FN1: variants seen among roughly 807,000 people sequenced by gnomAD.
FN1 encodes the protein fibronectin.
Under a neutral mutation model 297.3 loss-of-function variants are expected in FN1, and 106 were observed. That is an observed-to-expected ratio of 0.36 (90% CI 0.30 to 0.42). FN1 has a LOEUF of 0.42. FN1 is among the 10% of genes least tolerant of loss of function. The pLI, the probability that FN1 is intolerant of heterozygous loss-of-function variation, is 1.00. For missense variants in FN1, 2,690 were observed against 3,124.9 expected (o/e 0.86, Z 3.32); for synonymous variants, 1,149 against 1,152.6 (o/e 1.00, Z 0.06).
Position 215,406,399 on chromosome 2 carries a change from A to T in FN1, c.2825T>A (p.Ile942Asn). The part of the protein sequence containing the change: ...SAVTGYRVDV[I>N]PVNLPGEHGQ... ...GTGCTCGCCAGGCAGGTTGACGGGG[A>T]TCACATCCACACGGTAGCCGGTCAC... The change falls in exon 19 of 46, where the codon ATC becomes AAC. Residue 942 changes from isoleucine (I) to asparagine (N), a missense_variant. By Grantham distance (149) the Ile-to-Asn change is moderately radical. Coordinates refer to ENST00000354785, the MANE Select transcript of FN1 (RefSeq NM_212482.4). The T allele has an allele frequency of 6.2e-7, 1 of 1,614,144 alleles. No homozygotes were observed. The highest frequency in any genetic ancestry group is 8.5e-7 in the Non-Finnish European group (1 of 1,180,024).
intron 20 of FN1, among the ~76,000 whole-genome samples, chr2:215,401,647 G>A (rs762946416): frequency 4.6e-5 from 7 of 152,162 alleles, no homozygotes; most frequent in Non-Finnish European, 7.4e-5. Flanking sequence ...AGTCTCCAGA[G>A]TTATACAAAC....
At chr2:215,375,830 T>A in intron 36 of FN1, 112 bp from the exon 37 acceptor site, 3 of 731,298 alleles carry the variant, frequency 4.1e-6, no homozygotes. Flanking sequence ...TTATATAGAC[T>A]ACCAAAGTGG....
chr2:215,370,512 C>T, intron 40 of FN1, 80 bp from the exon 41 acceptor site: 1 of 1,106,478 alleles, frequency 9.0e-7, no homozygotes, highest in South Asian at 1.3e-5. Flanking sequence ...ACCAATAACC[C>T]TCACTGTTTA....
chr2:215,376,286 T>TA (rs1170734082), intron 36 of FN1, among the ~76,000 whole-genome samples: 3 of 151,832 alleles, frequency 2.0e-5, no homozygotes, highest in South Asian at 2.1e-4. Context: ...GATTGACACT[T>TA]ACGCAATTTC....
At chr2:215,375,512 A>C (rs572425468) in intron 37 of FN1, 117 bp downstream of exon 37, 10 of 1,271,356 alleles carry the variant, frequency 7.9e-6, no homozygotes, top group Middle Eastern at 1.8e-4. Flanking sequence ...TGTAAACCGG[A>C]AACAAGATTC....
At chr2:215,424,655 C>A (rs2065022712) in intron 7 of FN1, among the ~76,000 whole-genome samples, 1 of 152,122 alleles carries the variant, frequency 6.6e-6, no homozygotes, top group Non-Finnish European at 1.5e-5. Flanking sequence ...ATGACTATAT[C>A]TATGCCATAA....
intron 25 of FN1, chr2:215,392,696 C>A (rs1575489917): frequency 7.1e-6 from 4 of 566,588 alleles, no homozygotes; most frequent in Non-Finnish European, 9.5e-6. Context: ...ATCTGTATTT[C>A]TCTAGCTTTA....
At chr2:215,365,663 T>A (rs1314982666) in intron 42 of FN1, 33 bp from the exon 43 acceptor site, 3 of 1,612,114 alleles carry the variant, frequency 1.9e-6, no homozygotes, top group South Asian at 2.2e-5. Flanking sequence ...GACCAAAAAG[T>A]TATTTGTATA....
At chr2:215,381,765 T>A (rs1450883000) in intron 32 of FN1, 1 of 268,204 alleles carries the variant, frequency 3.7e-6, no homozygotes, top group Non-Finnish European at 7.2e-6. Flanking sequence ...AGCCCAGCCC[T>A]ATAATGGTTC....
At position 215,365,436 on chromosome 2, in the gene FN1, A is replaced by G. The variant is rs1197575942; in HGVS notation, c.7144+69T>C. 5 of 1,503,816 alleles carry G rather than the reference A, an allele frequency of 3.3e-6. No homozygotes were observed. The East Asian group carries it at 6.8e-5, about 20-fold the overall frequency. 93.2% of individuals were successfully genotyped at this position (1,503,816 alleles called of 1,614,324 possible). On this transcript the variant is annotated intron_variant, in intron 43 of 45. Transcript: ENST00000354785. ...AAGTCTCCAATCATTTCTGTGAATGAGAGTTACAGCCTGATAATGAAAGTG... is the reference window on the plus strand; with the variant it reads ...AAGTCTCCAATCATTTCTGTGAATGGGAGTTACAGCCTGATAATGAAAGTG...
chr2:215,409,536 C>T (rs772842197), intron 15 of FN1, 27 bp downstream of exon 15: 11 of 1,610,042 alleles, frequency 6.8e-6, no homozygotes, highest in Non-Finnish European at 7.6e-6. Context: ...TGCCCTGAAC[C>T]TGTCTTGAGC....
At chr2:215,431,757 T>C (rs562637307) in intron 4 of FN1, 76 bp downstream of exon 4, 63 of 1,454,452 alleles carry the variant, frequency 4.3e-5, no homozygotes, top group Non-Finnish European at 5.9e-5. Context: ...CTATGACCTA[T>C]GTAGATGTGA....
chr2:215,421,119 A>G (rs1559554827), intron 10 of FN1: 2 of 345,172 alleles, frequency 5.8e-6, no homozygotes, highest in East Asian at 1.5e-4. Context: ...CTTTCTGAAA[A>G]TTTCTTGCTT....
chr2:215,406,043 A>G (rs2061732418), intron 19 of FN1, among the ~76,000 whole-genome samples, 195 bp downstream of exon 19: 2 of 152,290 alleles, frequency 1.3e-5, no homozygotes, highest in Non-Finnish European at 2.9e-5. Flanking sequence ...GTTACCACTT[A>G]GCATCCATGG....
At chr2:215,373,477 C>G (rs1242903435) in intron 38 of FN1, 66 bp from the exon 39 acceptor site, 1 of 1,302,450 alleles carries the variant, frequency 7.7e-7, no homozygotes, top group East Asian at 2.4e-5. Context: ...AAGTCGGTCT[C>G]ACCAGCAGAC....
chr2:215,381,129 A>C, intron 32 of FN1, 49 bp from the exon 33 acceptor site: 1 of 1,592,254 alleles, frequency 6.3e-7, no homozygotes, highest in Non-Finnish European at 8.6e-7. Context: ...CAAGTTGTGA[A>C]ATAAGCATTT....
chr2:215,419,952 T>TA (rs2063990457), intron 11 of FN1, among the ~76,000 whole-genome samples: 1 of 152,208 alleles, frequency 6.6e-6, no homozygotes, highest in Admixed American at 6.5e-5. Context: ...TCTCTTTTGG[T>TA]AAAGAAATAG....
chr2:215,381,109 A>G, intron 32 of FN1, 29 bp from the exon 33 acceptor site: 1 of 1,612,222 alleles, frequency 6.2e-7, no homozygotes, highest in Non-Finnish European at 8.5e-7. Context: ...GTAAGAGGTT[A>G]TGTGAAAAGC....
Position 215,376,531 on chromosome 2 carries a change from T to C in FN1, c.5854A>G (p.Ile1952Val), listed in dbSNP as rs1575322070. The change falls in exon 36 of 46, where the codon ATC becomes GTC. Residue 1952 changes from isoleucine (I) to valine (V), a missense_variant. Ile to Val is a conservative substitution (Grantham distance 29, BLOSUM62 3). Around this residue, in one of 3 missense-constraint regions of FN1, gnomAD observed 1,743 missense variants for 1,945.2 expected, o/e 0.90. Coordinates refer to ENST00000354785, the MANE Select transcript of FN1 (RefSeq NM_212482.4). ...ANGQTPIQRT[I>V]KPDVRSYTIT... Reference sequence around the variant, plus strand: ...GTGTAGCTTCTGACATCTGGCTTGATGGTTCTCTGGATTGGAGTCTGGCCA... The same window carrying C: ...GTGTAGCTTCTGACATCTGGCTTGACGGTTCTCTGGATTGGAGTCTGGCCA... 6.2e-7 allele frequency: 1 copy of C among 1,614,148 alleles called. No individual in the cohort carries two copies. Among genetic ancestry groups the C allele is most frequent in the Non-Finnish European group, 8.5e-7 (1 of 1,180,014 alleles).
Sources: gnomAD v4.1 joint callset for allele counts (sites outside exome capture counted in the v4.1 genomes callset) on GRCh38, gnomAD v4.1.1 for gene constraint, gnomAD v4.1.1 regional missense constraint, MANE v1.5 for transcripts, NCBI Gene and HGNC (gene_info 2026-07-23, HGNC 2026-07-21) for gene names.